The following KRT7 variants were observed in gnomAD, a reference collection of about 807,000 sequenced individuals.
The protein encoded by KRT7 is keratin, type II cytoskeletal 7.
A neutral mutation model predicts 42.8 loss-of-function variants in KRT7; 50 were observed. That is an observed-to-expected ratio of 1.17 (90% confidence interval 0.93 to 1.48). KRT7 has a LOEUF of 1.48. Ranked by LOEUF, KRT7 falls within the 40% of genes most tolerant of loss-of-function variation. The pLI, the probability that KRT7 is intolerant of heterozygous loss-of-function variation, is 0.00. For missense variants in KRT7, 588 were observed against 637.6 expected (o/e 0.92, Z 0.84); for synonymous variants, 268 against 266.3 (o/e 1.01, Z -0.06).
At chr12:52,245,687 G>A in intron 7 of KRT7, 55 bp downstream of exon 7, 1 of 1,603,504 alleles carries the variant, frequency 6.2e-7, no homozygotes, top group South Asian at 1.1e-5. Flanking sequence ...GGGGTTTGGG[G>A]CTTGACATTC....
downstream of KRT7, among the ~76,000 whole-genome samples, chr12:52,255,111 G>T (rs1454922226): frequency 6.6e-6 from 1 of 152,238 alleles, no homozygotes; most frequent in East Asian, 1.9e-4. Context: ...GGAGAATATT[G>T]CCCTGCCTGA....
intron 2 of KRT7, among the ~76,000 whole-genome samples, chr12:52,236,301 A>C (rs1430310898): frequency 6.6e-5 from 10 of 151,734 alleles, no homozygotes; most frequent in Admixed American, 3.9e-4. Flanking sequence ...TGGGGCCATC[A>C]TTCAGCCCCT....
At chr12:52,253,535 AT>A, downstream of KRT7, 2 of 1,598,714 alleles carry the variant, frequency 1.3e-6, no homozygotes, top group Non-Finnish European at 8.5e-7. Context: ...AAGGAAGCCT[AT>A]TTAATAGGTA....
At chr12:52,235,654 C>T (rs985003519) in intron 2 of KRT7, among the ~76,000 whole-genome samples, 3 of 152,206 alleles carry the variant, frequency 2.0e-5, no homozygotes, top group African/African-American at 7.2e-5. Context: ...CTGACCAAGG[C>T]CCCGAGAGAG....
chr12:52,241,556 A>T lies in KRT7; in HGVS notation c.778A>T (p.Ile260Phe), dbSNP rs1329602275. ...CAGTCGCTCCCTGGACCTGGACGGC[A>T]TCATCGCTGAGGTCAAGGCGCAGTA... ...DNSRSLDLDGIIAEVKAQYEE... is the reference protein window; with the variant it reads ...DNSRSLDLDGFIAEVKAQYEE... The change falls in exon 5 of 9, where the codon ATC (isoleucine) becomes TTC (phenylalanine). Residue 260 changes from isoleucine (I) to phenylalanine (F), a missense_variant. By Grantham distance (21) the Ile-to-Phe change is conservative. Transcript: ENST00000331817. 1 of 1,613,926 alleles carries T rather than the reference A, an allele frequency of 6.2e-7. No homozygotes were observed. The highest frequency in any genetic ancestry group is 1.7e-5 in the Admixed American group (1 of 59,994).
chr12:52,242,427 G>C (rs1482442201), intron 5 of KRT7, among the ~76,000 whole-genome samples: 3 of 152,198 alleles, frequency 2.0e-5, no homozygotes, highest in African/African-American at 7.2e-5. Flanking sequence ...ACTTCATGGT[G>C]GCAGGACAGT....
At chr12:52,244,590 A>G in intron 6 of KRT7, 1 of 985,930 alleles carries the variant, frequency 1.0e-6, no homozygotes, top group Non-Finnish European at 1.2e-6. Context: ...AGGGAAGAGG[A>G]TCTGAGGATA....
chr12:52,248,656 A>G lies in KRT7; in HGVS notation c.1306A>G (p.Met436Val), dbSNP rs753195229. 2 of 1,613,026 alleles carry G rather than the reference A, an allele frequency of 1.2e-6. No individual in the cohort carries two copies. The highest frequency in any genetic ancestry group is 2.2e-5 in the South Asian group (2 of 90,994). The change falls in exon 9 of 9, where the codon ATG (methionine) becomes GTG (valine). Residue 436 changes from methionine to valine, a missense_variant. By Grantham distance (21) the Met-to-Val change is conservative (BLOSUM62 1). Transcript: ENST00000331817. ...CATTGGGCTGACCCTCGGGGGAACC[A>G]TGGGCAGCAATGCCCTGAGCTTCTC... ...GGIGLTLGGT[M>V]GSNALSFSSS...
At chr12:52,245,370 A>G (rs1942152562) in intron 6 of KRT7, 42 bp from the exon 7 acceptor site, 1 of 1,600,974 alleles carries the variant, frequency 6.2e-7, no homozygotes, top group African/African-American at 1.3e-5. Context: ...GCAGGAAGGC[A>G]GACTGGTGAG....
At chr12:52,233,716 G>A in intron 1 of KRT7, 96 bp downstream of exon 1, 1 of 1,197,346 alleles carries the variant, frequency 8.4e-7, no homozygotes, top group Non-Finnish European at 1.2e-6. Context: ...AGGCGCTGGG[G>A]AGCACTGCCG....
At chr12:52,243,332 T>A in intron 6 of KRT7, 195 bp downstream of exon 6, 1 of 625,436 alleles carries the variant, frequency 1.6e-6, no homozygotes, top group Non-Finnish European at 2.6e-6. Context: ...GGGAGAAAGG[T>A]CCTGGATGTG....
At chr12:52,253,644 G>A (rs1199399401), downstream of KRT7, 5 of 1,538,028 alleles carry the variant, frequency 3.3e-6, no homozygotes, top group East Asian at 2.7e-5. Context: ...GCTGCGGGTG[G>A]CAATGTCATC....
chr12:52,238,985 G>T (rs1942046643), intron 4 of KRT7, among the ~76,000 whole-genome samples: 1 of 152,210 alleles, frequency 6.6e-6, no homozygotes, highest in South Asian at 2.1e-4. Context: ...GTGTCTGATG[G>T]GCAGGCATGC....
Position 52,241,502 on chromosome 12 carries a change from G to C in KRT7, c.724G>C (p.Asp242His). 1 of 1,613,328 alleles carries C rather than the reference G, an allele frequency of 6.2e-7. No homozygotes were observed. The highest frequency in any genetic ancestry group is 8.5e-7 in the Non-Finnish European group (1 of 1,179,578). ...GACAGAGCTGCAGTCCCAGATCTCC[G>C]ACACATCTGTGGTGCTGTCCATGGA... ...ELTELQSQISDTSVVLSMDNS... is the reference protein window; with the variant it reads ...ELTELQSQISHTSVVLSMDNS... Residue 242 changes from aspartate (D) to histidine (H), a missense_variant, in exon 5 of 9, where the codon GAC becomes CAC. Asp to His is a moderately conservative substitution (Grantham distance 81). Transcript: ENST00000331817.
rs1251210081 is a variant in KRT7 at position 52,235,221 on chromosome 12, T to A, written c.391T>A (p.Ser131Thr). The change falls in exon 2 of 9, where the codon TCG becomes ACG. Residue 131 changes from serine to threonine, a missense_variant. Transcript: ENST00000331817. ...TKWTLLQEQKSAKSSRLPDIF... is the reference protein window; with the variant it reads ...TKWTLLQEQKTAKSSRLPDIF... ...GTGGACGCTGCTGCAGGAGCAGAAG[T>A]CGGCCAAGAGCAGCCGCCTCCCAGA... 6.2e-7 allele frequency: 1 copy of A among 1,614,132 alleles called. No individual in the cohort carries two copies. Among genetic ancestry groups the A allele is most frequent in the African/African-American group, 1.3e-5 (1 of 75,056 alleles).
At position 52,233,559 on chromosome 12, in the gene KRT7, G is replaced by T. The variant is rs200862730; in HGVS notation, c.263G>T (p.Arg88Leu). 9 of 1,613,194 alleles carry T rather than the reference G, an allele frequency of 5.6e-6. No homozygotes were observed. In the African/African-American group the frequency reaches 1.1e-4, roughly 19 times the overall value. ...LDADPSLQRV[R>L]QEESEQIKTL... ...GCCGACCCCTCCCTCCAGCGGGTGC[G>T]CCAGGAGGAGAGCGAGCAGATCAAG... is the stretch of plus-strand genomic sequence containing the variant. Residue 88 changes from arginine (R) to leucine (L), a missense_variant, in exon 1 of 9, where the codon CGC becomes CTC. Arg to Leu is a moderately radical substitution (Grantham distance 102). Coordinates refer to ENST00000331817, the MANE Select transcript of KRT7 (RefSeq NM_005556.4).
chr12:52,251,002 C>T (rs1041827526), downstream of KRT7, among the ~76,000 whole-genome samples: 6 of 152,142 alleles, frequency 3.9e-5, no homozygotes, highest in Non-Finnish European at 8.8e-5. Context: ...ATTTTTGAGA[C>T]GGAGTCTCTC....
downstream of KRT7, chr12:52,248,922 C>T (rs111701203): frequency 1.5e-3 from 880 of 596,616 alleles, 15 homozygotes; most frequent in African/African-American, 0.014. Context: ...GAGTGATCCA[C>T]GTGCCTGGTA....
rs2121092951 is a variant in KRT7 at position 52,243,127 on chromosome 12, T to A, written c.974T>A (p.Ile325Asn). The A allele has an allele frequency of 2.5e-6, 4 of 1,611,918 alleles. No homozygotes were observed. Among genetic ancestry groups the A allele is most frequent in the East Asian group, 2.2e-5 (1 of 44,716 alleles). Residue 325 changes from isoleucine to asparagine, a missense_variant, in exon 6 of 9, where the codon ATC becomes AAC. Coordinates refer to ENST00000331817, the MANE Select transcript of KRT7 (RefSeq NM_005556.4). ...AGGCTGCAGGCTGAGATCGACAACA[T>A]CAAGAACCAGGTGGGACAAGTCCTC... Reference protein sequence around the residue: ...IQRLQAEIDNIKNQRAKLEAA... With the variant: ...IQRLQAEIDNNKNQRAKLEAA...
Sources: gnomAD v4.1 joint callset for allele counts (sites outside exome capture counted in the v4.1 genomes callset) on GRCh38, gnomAD v4.1.1 for gene constraint, MANE v1.5 for transcripts, NCBI Gene and HGNC (gene_info 2026-07-23, HGNC 2026-07-21) for gene names.